The following TCF25 variants were observed in gnomAD, a reference collection of about 807,000 sequenced individuals.
The protein encoded by TCF25 is TCF25 ribosome quality control complex subunit.
TCF25 carries 41 observed loss-of-function variants against 83.1 expected under a neutral mutation model. The ratio of observed to expected loss-of-function variants is 0.49; its 90% CI spans 0.38 to 0.64. TCF25 has a LOEUF of 0.64. TCF25 is among the 30% of genes least tolerant of loss of function. TCF25 has a pLI of 0.00. For synonymous variants in TCF25, 458 were observed against 365.0 expected (o/e 1.25, Z -2.90); for missense variants, 979 against 914.5 (o/e 1.07, Z -0.91).
rs906963770 is a variant in TCF25, at chr16:89,886,085, G to T, written c.548+119G>T. 32 of 670,360 alleles carry T rather than the reference G, an allele frequency of 4.8e-5. 1 individual carries two copies. Among genetic ancestry groups the T allele is most frequent in the Non-Finnish European group, 7.7e-5 (30 of 390,052 alleles). 41.5% of individuals were successfully genotyped at this position (670,360 alleles called of 1,614,324 possible). A position where few individuals can be genotyped will look rare whatever the true frequency, so the allele number is the denominator to read the frequency against. Reference sequence around the variant, plus strand: ...CACAGAGACTTCGTGGGAGGAAAAGGTTCTCTAAAAAAGGAAAAATAAAAT... The same window carrying T: ...CACAGAGACTTCGTGGGAGGAAAAGTTTCTCTAAAAAAGGAAAAATAAAAT... On this transcript the variant is annotated intron_variant, in intron 4 of 17. Transcript: ENST00000263346.
chr16:89,878,617 A>G, intron 1 of TCF25: 2 of 1,137,096 alleles, frequency 1.8e-6, no homozygotes, highest in Non-Finnish European at 2.2e-6. Flanking sequence ...AATGAAAATC[A>G]CAGCTTTTGG....
At chr16:89,884,741 G>T in intron 3 of TCF25, 85 bp downstream of exon 3, 2 of 1,242,488 alleles carry the variant, frequency 1.6e-6, no homozygotes, top group Non-Finnish European at 1.1e-6. Context: ...TCTGCCTGAC[G>T]CCCTCTCCCT....
intron 12 of TCF25, among the ~76,000 whole-genome samples, chr16:89,902,846 C>T (rs62052185): frequency 0.075 from 11,371 of 152,092 alleles, 643 homozygotes; most frequent in East Asian, 0.26. Flanking sequence ...CCACTCATCG[C>T]CTATTAGGAT....
chr16:89,911,161 A>T lies in TCF25; in HGVS notation c.1954A>T (p.Met652Leu), dbSNP rs941967302. ...LNRLMLAVRDMMANFHLNDLE... is the reference protein window; with the variant it reads ...LNRLMLAVRDLMANFHLNDLE... The stretch of plus-strand genomic sequence containing the variant: ...CAGGCTGATGCTGGCTGTGCGCGAC[A>T]TGATGGCCAACTTCCACCTCAACGA... Residue 652 changes from methionine to leucine, a missense_variant, in exon 18 of 18, where the codon ATG becomes TTG. Transcript: ENST00000263346. The T allele has an allele frequency of 3.7e-6, 6 of 1,612,278 alleles. No homozygotes were observed. The East Asian group carries it at 1.3e-4, about 36-fold the overall frequency.
At chr16:89,882,287 C>G (rs893452285) in intron 1 of TCF25, among the ~76,000 whole-genome samples, 1 of 152,226 alleles carries the variant, frequency 6.6e-6, no homozygotes, top group Non-Finnish European at 1.5e-5. Context: ...GTAACTCCAG[C>G]TCTTTGGGAG....
chr16:89,879,443 C>A (rs868016808), intron 1 of TCF25, among the ~76,000 whole-genome samples: 2 of 131,530 alleles, frequency 1.5e-5, no homozygotes, highest in Admixed American at 7.7e-5. Context: ...GCCTGTCACA[C>A]GTGTTGTCCG....
At chr16:89,906,800 G>T (rs914729835) in intron 15 of TCF25, among the ~76,000 whole-genome samples, 1 of 152,132 alleles carries the variant, frequency 6.6e-6, no homozygotes, top group African/African-American at 2.4e-5. Context: ...CTTATGACCG[G>T]CATGGCTGGC....
At chr16:89,901,038 T>C (rs1163316593) in intron 12 of TCF25, 4 of 420,290 alleles carry the variant, frequency 9.5e-6, no homozygotes, top group African/African-American at 5.8e-5. Flanking sequence ...GGGGCCTGTG[T>C]TCTAGAGTGC....
intron 7 of TCF25, 28 bp downstream of exon 7, chr16:89,893,886 G>C: frequency 6.3e-7 from 1 of 1,582,204 alleles, no homozygotes. Flanking sequence ...CCCCTGACAG[G>C]AGCAGGGGCC....
At chr16:89,906,026 G>A in intron 14 of TCF25, 168 bp from the exon 15 acceptor site, 2 of 634,026 alleles carry the variant, frequency 3.2e-6, no homozygotes, top group South Asian at 3.7e-5. Flanking sequence ...GCAGGCCAGG[G>A]ACCAGCCATG....
intron 1 of TCF25, among the ~76,000 whole-genome samples, chr16:89,881,369 G>C (rs2042592968): frequency 6.6e-6 from 1 of 152,058 alleles, no homozygotes; most frequent in Admixed American, 6.6e-5. Context: ...ATTTATTTTT[G>C]AACCTTAGTG....
chr16:89,895,109 G>C lies in TCF25; in HGVS notation c.900G>C (p.Glu300Asp). The C allele has an allele frequency of 6.2e-7, 1 of 1,613,124 alleles. No homozygotes were observed. Among genetic ancestry groups the C allele is most frequent in the Non-Finnish European group, 8.5e-7 (1 of 1,179,724 alleles). ...LQLSDACRFQ[E>D]DQEMARDLVE... Reference sequence around the variant, plus strand: ...TCAGCGATGCCTGCCGCTTTCAAGAGGATCAGGAGATGGCTCGAGACCTCG... The same window carrying C: ...TCAGCGATGCCTGCCGCTTTCAAGACGATCAGGAGATGGCTCGAGACCTCG... The change falls in exon 8 of 18, where the codon GAG (glutamate) becomes GAC (aspartate). Residue 300 changes from glutamate to aspartate, a missense_variant. Glu to Asp is a conservative substitution (Grantham distance 45). Coordinates refer to ENST00000263346, the MANE Select transcript of TCF25 (RefSeq NM_014972.3).
chr16:89,895,928 G>T, intron 8 of TCF25, 62 bp from the exon 9 acceptor site: 3 of 1,450,206 alleles, frequency 2.1e-6, no homozygotes, highest in Non-Finnish European at 1.9e-6. Context: ...CATTATCAGA[G>T]GAGGGGCCGT....
At chr16:89,885,265 G>A (rs981624879) in intron 3 of TCF25, among the ~76,000 whole-genome samples, 2 of 152,186 alleles carry the variant, frequency 1.3e-5, no homozygotes, top group Non-Finnish European at 2.9e-5. Context: ...GCTGCTTCTT[G>A]TTTTTACCCT....
In TCF25 at chr16:89,873,697, G is replaced by C. The variant is rs1269329084; in HGVS notation, c.30G>C (p.Arg10Ser). Residue 10 changes from arginine to serine, a missense_variant, in exon 1 of 18, where the codon AGG becomes AGC. By Grantham distance (110) the Arg-to-Ser change is moderately radical. Transcript: ENST00000263346. MSRRALRRL[R>S]GEQRGQEPLG... The stretch of plus-strand genomic sequence containing the variant: ...CGCGCCGGGCCCTCCGGAGGCTGAG[G>C]GGGGAACAGCGCGGCCAGGAGCCCC... 2.5e-6 allele frequency: 4 copies of C among 1,609,070 alleles called. No individual in the cohort carries two copies. Among genetic ancestry groups the C allele is most frequent in the Admixed American group, 1.7e-5 (1 of 59,678 alleles).
At chr16:89,900,288 G>GGGTGGGCTGCTCGGAAACTCGCGCGGC (rs770114000) in intron 11 of TCF25, among the ~76,000 whole-genome samples, 11,251 of 151,952 alleles carry the variant, frequency 0.074, 620 homozygotes, top group East Asian at 0.26. Flanking sequence ...ACTCGCGCGG[G>GGGTGGGCTGCTCGGAAACTCGCGCGGC]GGTGGGCTGC....
At chr16:89,877,246 C>T (rs754217191) in intron 1 of TCF25, among the ~76,000 whole-genome samples, 4 of 151,960 alleles carry the variant, frequency 2.6e-5, no homozygotes, top group African/African-American at 9.7e-5. Flanking sequence ...CTCTATTGCC[C>T]AGGCTGGAGT....
At chr16:89,908,321 CCCA>C (rs144289287) in intron 16 of TCF25, among the ~76,000 whole-genome samples, 11,175 of 133,778 alleles carry the variant, frequency 0.084, 773 homozygotes, top group East Asian at 0.2. Context: ...CCTTCTAGTT[CCCA>C]CTTCTTTCCT....
At chr16:89,877,266 C>T (rs914784009) in intron 1 of TCF25, among the ~76,000 whole-genome samples, 6 of 152,010 alleles carry the variant, frequency 3.9e-5, no homozygotes, top group Admixed American at 6.6e-5. Flanking sequence ...TTCAATGTCA[C>T]AATTATAACT....
Sources: gnomAD v4.1 joint callset for allele counts (sites outside exome capture counted in the v4.1 genomes callset) on GRCh38, gnomAD v4.1.1 for gene constraint, MANE v1.5 for transcripts, NCBI Gene and HGNC (gene_info 2026-07-23, HGNC 2026-07-21) for gene names.